Variants in FAT2 observed in about 807,000 individuals in gnomAD.
FAT2 encodes protocadherin Fat 2.
FAT2 carries 150 observed loss-of-function variants against 295.3 expected under a neutral mutation model. The observed-to-expected ratio is 0.51, with a 90% CI of 0.44 to 0.58. The LOEUF (loss-of-function observed/expected upper bound fraction) is 0.58. Among genes scored for constraint, FAT2 ranks in the 20% least tolerant of loss-of-function variants. The pLI, the probability that FAT2 is intolerant of heterozygous loss-of-function variation, is 0.00. For missense variants in FAT2, 4,868 were observed against 5,442.7 expected, an observed-to-expected ratio of 0.89 and a Z score of 3.32; for synonymous variants, 2,026 against 2,150.3, an observed-to-expected ratio of 0.94 and a Z score of 1.60.
At chr5:151,541,596 G>A (rs540581997) in intron 10 of FAT2, among the ~76,000 whole-genome samples, 28 of 152,202 alleles carry the variant, frequency 1.8e-4, no homozygotes, top group Non-Finnish European at 3.1e-4. Context: ...AGAAAAAAAG[G>A]CCACAGGAGT....
chr5:151,549,269 T>A, intron 9 of FAT2, 26 bp downstream of exon 9: 1 of 1,607,888 alleles, frequency 6.2e-7, no homozygotes, highest in Non-Finnish European at 8.5e-7. Flanking sequence ...TGACCCATCC[T>A]CTGAGCTCAT....
At chr5:151,541,797 G>A (rs990212277) in intron 10 of FAT2, among the ~76,000 whole-genome samples, 9 of 152,326 alleles carry the variant, frequency 5.9e-5, no homozygotes, top group East Asian at 5.8e-4. Context: ...TTCCACATAC[G>A]TGAAATGAAG....
Position 151,550,579 on chromosome 5 carries a change from C to A in FAT2, c.4578+11G>T. 1 of 1,613,360 alleles carries A rather than the reference C, an allele frequency of 6.2e-7. No individual in the cohort carries two copies. Among genetic ancestry groups the A allele is most frequent in the East Asian group, 2.2e-5 (1 of 44,874 alleles). ...CAAACGTATTCTCACCAGATTTTTCCATTTACTCACCATGACTGTCAGTGT... is the reference window on the plus strand; with the variant it reads ...CAAACGTATTCTCACCAGATTTTTCAATTTACTCACCATGACTGTCAGTGT... On this transcript the variant is annotated intron_variant, in intron 8 of 23. Coordinates refer to ENST00000261800, the MANE Select transcript of FAT2 (RefSeq NM_001447.3).
At chr5:151,529,449 G>T in intron 14 of FAT2, 57 bp from the exon 15 acceptor site, 1 of 1,500,468 alleles carries the variant, frequency 6.7e-7, no homozygotes, top group South Asian at 1.1e-5. Flanking sequence ...AAAGGCGCAG[G>T]ACTGAGGGTC....
chr5:151,553,458 G>C (rs533402052), intron 5 of FAT2, 71 bp from the exon 6 acceptor site: 1 of 1,337,882 alleles, frequency 7.5e-7, no homozygotes, highest in South Asian at 1.3e-5. Flanking sequence ...GCCAGGACAG[G>C]AACCAGAGCG....
In FAT2 at chr5:151,566,923, CAT is replaced by C; in HGVS notation, c.2007_2008del (p.Cys670Ter). ...TTGTGTCAATACCCCTGTTTTATCACATGTTACAGGAACTTCAAAATGAGGGT... is the reference window on the plus strand; with the variant it reads ...TTGTGTCAATACCCCTGTTTTATCACGTTACAGGAACTTCAAAATGAGGGT... On this transcript the variant is annotated frameshift_variant, in exon 2 of 24. Coordinates refer to ENST00000261800, the MANE Select transcript of FAT2 (RefSeq NM_001447.3). LOFTEE classifies it high-confidence loss of function. The C allele has an allele frequency of 9.3e-6, 15 of 1,614,106 alleles. No individual in the cohort carries two copies. The highest frequency in any genetic ancestry group is 1.3e-5 in the Non-Finnish European group (15 of 1,179,986).
intron 15 of FAT2, among the ~76,000 whole-genome samples, chr5:151,528,784 A>G (rs1336369851): frequency 6.6e-6 from 1 of 152,064 alleles, no homozygotes; most frequent in African/African-American, 2.4e-5. Context: ...GCAAAGAGGT[A>G]TTATTTGGTG....
chr5:151,519,772 C>G (rs1419624582), intron 19 of FAT2, among the ~76,000 whole-genome samples: 2 of 151,804 alleles, frequency 1.3e-5, no homozygotes, highest in African/African-American at 4.8e-5. Context: ...AATAAAAAAC[C>G]TCTTTTCAAC....
At position 151,510,313 on chromosome 5, in the gene FAT2, G is replaced by A. The variant is rs76800618; in HGVS notation, c.11906-139C>T. 3,112 of 986,118 alleles carry A rather than the reference G, an allele frequency of 3.2e-3. 63 individuals are homozygous for A. In the African/African-American group the frequency reaches 0.043, roughly 14 times the overall value. The allele number at this position is 986,118 out of a possible 1,614,324, so 61.1% of individuals were successfully genotyped here. ...GTTGCTCCCCTCTGTGCCCAATACCGTGCTGGGCATTGGTGCCCTGCTGAA... is the reference window on the plus strand; with the variant it reads ...GTTGCTCCCCTCTGTGCCCAATACCATGCTGGGCATTGGTGCCCTGCTGAA... On this transcript the variant is annotated intron_variant, in intron 21 of 23. Transcript: ENST00000261800.
In FAT2 at chr5:151,544,710, ATATT is replaced by A. The variant is rs769891686; in HGVS notation, c.6413_6416del (p.Lys2138IlefsTer25). On this transcript the variant is annotated frameshift_variant, in exon 10 of 24. Transcript: ENST00000261800. LOFTEE classifies it high-confidence loss of function. Reference sequence around the variant, plus strand: ...CATCCCGAGCAATGACTTTGAGGTGATATTTATTTAAAGCTTGATAATCAAAGGG... The same window carrying A: ...CATCCCGAGCAATGACTTTGAGGTGATATTTAAAGCTTGATAATCAAAGGG... The A allele has an allele frequency of 6.2e-7, 1 of 1,614,126 alleles. No homozygotes were observed. The highest frequency in any genetic ancestry group is 8.5e-7 in the Non-Finnish European group (1 of 1,180,020).
intron 1 of FAT2, among the ~76,000 whole-genome samples, chr5:151,586,441 T>A (rs888019300): frequency 7.2e-5 from 11 of 152,336 alleles, no homozygotes; most frequent in African/African-American, 2.6e-4. Context: ...AGACCTACAC[T>A]GGAAAATGCT....
Position 151,546,069 on chromosome 5 carries a change from G to T in FAT2, c.5058C>A (p.Ser1686Arg), listed in dbSNP as rs747670974. Reference protein sequence around the residue: ...GSPILLVSAMSPSEVTYELRE... With the variant: ...GSPILLVSAMRPSEVTYELRE... ...TTAACTCATAGGTAACTTCAGAGGGGCTCATAGCAGAGACAAGGAGGATTG... is the reference window on the plus strand; with the variant it reads ...TTAACTCATAGGTAACTTCAGAGGGTCTCATAGCAGAGACAAGGAGGATTG... The change falls in exon 10 of 24, where the codon AGC becomes AGA. Residue 1686 changes from serine (S) to arginine (R), a missense_variant. Physicochemically the swap from Ser to Arg is moderately radical, Grantham distance 110. This residue lies in a region of FAT2 where 3,297 missense variants were observed against 3,669.4 expected (regional missense o/e 0.90). Transcript: ENST00000261800. 3 of 1,614,142 alleles carry T rather than the reference G, an allele frequency of 1.9e-6. No individual in the cohort carries two copies. The highest frequency in any genetic ancestry group is 1.3e-5 in the African/African-American group (1 of 75,036).
chr5:151,515,876 T>C (rs189125266), intron 20 of FAT2, among the ~76,000 whole-genome samples: 1 of 152,340 alleles, frequency 6.6e-6, no homozygotes, highest in East Asian at 1.9e-4. Flanking sequence ...AATTATCTGC[T>C]CAAAACCTTC....
intron 2 of FAT2, among the ~76,000 whole-genome samples, chr5:151,563,932 A>G (rs1411182923): frequency 6.6e-6 from 1 of 152,212 alleles, no homozygotes; most frequent in Non-Finnish European, 1.5e-5. Flanking sequence ...TAGTTTATCT[A>G]CTTTCTCTTG....
chr5:151,575,607 G>A (rs1485822843), intron 1 of FAT2, among the ~76,000 whole-genome samples: 1 of 152,232 alleles, frequency 6.6e-6, no homozygotes, highest in African/African-American at 2.4e-5. Context: ...TCTGTCCTAT[G>A]ACATTCATTA....
chr5:151,536,519 C>T (rs1283652579), intron 12 of FAT2, among the ~76,000 whole-genome samples: 1 of 152,182 alleles, frequency 6.6e-6, no homozygotes, highest in African/African-American at 2.4e-5. Flanking sequence ...TCCCCTGCAG[C>T]AGCAGGGCAG....
At chr5:151,559,293 G>C (rs28393159) in intron 3 of FAT2, among the ~76,000 whole-genome samples, 5,540 of 152,224 alleles carry the variant, frequency 0.036, 232 homozygotes, top group African/African-American at 0.1. Flanking sequence ...ATTGGAGAAG[G>C]CTCCTGAGAA....
At chr5:151,564,813 C>T (rs1031790971) in intron 2 of FAT2, among the ~76,000 whole-genome samples, 1 of 152,220 alleles carries the variant, frequency 6.6e-6, no homozygotes, top group Non-Finnish European at 1.5e-5. Context: ...TGGCTCATGC[C>T]TGTAGTCCTA....
intron 10 of FAT2, among the ~76,000 whole-genome samples, chr5:151,541,380 A>G (rs1286017655): frequency 1.3e-5 from 2 of 152,196 alleles, no homozygotes; most frequent in African/African-American, 4.8e-5. Context: ...AGATTTTAAG[A>G]CTTCTGTGTT....
Sources: allele counts gnomAD v4.1 joint callset (sites outside exome capture counted in the v4.1 genomes callset), GRCh38; gene constraint gnomAD v4.1.1; regional missense constraint gnomAD v4.1.1; transcripts MANE v1.5; gene names NCBI Gene and HGNC (gene_info 2026-07-23, HGNC 2026-07-21).